The following FAM117B variants were observed in gnomAD, a reference collection of about 807,000 sequenced individuals.
FAM117B encodes family with sequence similarity 117 member B.
FAM117B carries 22 observed loss-of-function variants against 52.8 expected under a neutral mutation model. The observed-to-expected ratio is 0.42, with a 90% CI of 0.30 to 0.59. The LOEUF (loss-of-function observed/expected upper bound fraction) is 0.59, where lower values mean the gene tolerates loss of function less well. Ranked by LOEUF, FAM117B falls within the 20% of genes least tolerant of loss-of-function variation. FAM117B has a pLI of 0.22. For missense variants in FAM117B, 678 were observed against 802.6 expected, an observed-to-expected ratio of 0.84 and a Z score of 1.88; for synonymous variants, 309 against 324.1, an observed-to-expected ratio of 0.95 and a Z score of 0.50.
intron 2 of FAM117B, among the ~76,000 whole-genome samples, chr2:202,714,485 C>G (rs1691007472): frequency 6.7e-6 from 1 of 149,876 alleles, no homozygotes; most frequent in African/African-American, 2.5e-5. Flanking sequence ...TTTGTGTGCT[C>G]CAGTGTTGGG....
In FAM117B at chr2:202,695,941, TGG is replaced by T; in HGVS notation, c.663_664del (p.Asp222TyrfsTer15). 6.2e-7 allele frequency: 1 copy of T among 1,614,076 alleles called. No individual in the cohort carries two copies. Among genetic ancestry groups the T allele is most frequent in the Non-Finnish European group, 8.5e-7 (1 of 1,179,980 alleles). ...AGTATTATCCGACGCACTTCCTCCC[TGG>T]ATACTCTTGCTGCACCGTATCTTGC... On this transcript the variant is annotated frameshift_variant, in exon 2 of 8. Coordinates refer to ENST00000392238, the MANE Select transcript of FAM117B (RefSeq NM_173511.4). LOFTEE classifies it high-confidence loss of function.
intron 2 of FAM117B, among the ~76,000 whole-genome samples, chr2:202,724,615 T>C (rs1691209283): frequency 6.6e-6 from 1 of 152,196 alleles, no homozygotes. Context: ...TAGTTAACTA[T>C]GGTAACTCTA....
At position 202,635,227 on chromosome 2, in the gene FAM117B, G is replaced by A. The variant is rs1408689766; in HGVS notation, c.40G>A (p.Ala14Thr). 6 of 1,307,472 alleles carry A rather than the reference G, an allele frequency of 4.6e-6. No homozygotes were observed. Among genetic ancestry groups the A allele is most frequent in the African/African-American group, 1.5e-5 (1 of 65,012 alleles). 81.0% of individuals were successfully genotyped at this position (1,307,472 alleles called of 1,614,324 possible). ...GAGGCGCAATGGGTCCCCCACGCCGGCCGGCTCCCTTGGGGGTGGTGCGGT... is the reference window on the plus strand; with the variant it reads ...GAGGCGCAATGGGTCCCCCACGCCGACCGGCTCCCTTGGGGGTGGTGCGGT... ...RVRRNGSPTP[A>T]GSLGGGAVAT... The change falls in exon 1 of 8, where the codon GCC becomes ACC. Residue 14 changes from alanine to threonine, a missense_variant. Coordinates refer to ENST00000392238, the MANE Select transcript of FAM117B (RefSeq NM_173511.4).
chr2:202,765,670 C>A lies in FAM117B; in HGVS notation c.1676C>A (p.Thr559Lys), dbSNP rs1197937042. Residue 559 changes from threonine (T) to lysine (K), a missense_variant, in exon 8 of 8, where the codon ACA (threonine) becomes AAA (lysine). Transcript: ENST00000392238. ...PIAVASLSTN[T>K]EQDRVSRGTS... ...GCTGTGGCCTCCCTGTCTACAAACA[C>A]AGAGCAAGACCGAGTCTCTCGAGGA... The A allele has an allele frequency of 2.5e-6, 4 of 1,614,156 alleles. No homozygotes were observed. The Admixed American group carries it at 6.7e-5, about 27-fold the overall frequency.
intron 7 of FAM117B, among the ~76,000 whole-genome samples, chr2:202,759,711 C>T (rs1691855944): frequency 6.6e-6 from 1 of 152,110 alleles, no homozygotes; most frequent in African/African-American, 2.4e-5. Flanking sequence ...GCGCCTACCA[C>T]CACGCCCGGC....
chr2:202,769,254 A>G lies in FAM117B; in HGVS notation c.*3490A>G, dbSNP rs1399428207. ...AAAGTCAGAATTTATAGCTTTCACTATGTCCAAGACTAGGACTGGGTTATA... is the reference window on the plus strand; with the variant it reads ...AAAGTCAGAATTTATAGCTTTCACTGTGTCCAAGACTAGGACTGGGTTATA... On this transcript the variant is annotated 3_prime_UTR_variant, in exon 8 of 8. Coordinates refer to ENST00000392238, the MANE Select transcript of FAM117B (RefSeq NM_173511.4). 1.3e-5 allele frequency: 2 copies of G among 152,630 alleles called. No homozygotes were observed. The highest frequency in any genetic ancestry group is 3.4e-3 in the Middle Eastern group (1 of 294). 9.5% of individuals were successfully genotyped at this position (152,630 alleles called of 1,614,324 possible). A position where few individuals can be genotyped will look rare whatever the true frequency, so the allele number is the denominator to read the frequency against.
At chr2:202,657,097 ATTT>A (rs758126689) in intron 1 of FAM117B, among the ~76,000 whole-genome samples, 1 of 151,488 alleles carries the variant, frequency 6.6e-6, no homozygotes, top group Non-Finnish European at 1.5e-5. Context: ...TATTTTATTT[ATTT>A]TTTTTGAGAT....
At chr2:202,658,637 T>A (rs1199219549) in intron 1 of FAM117B, among the ~76,000 whole-genome samples, 2 of 152,184 alleles carry the variant, frequency 1.3e-5, no homozygotes, top group Non-Finnish European at 2.9e-5. Flanking sequence ...TTTCACTAGA[T>A]GTAGAATCCT....
chr2:202,763,924 C>A (rs1338823472), intron 7 of FAM117B, among the ~76,000 whole-genome samples: 1 of 152,170 alleles, frequency 6.6e-6, no homozygotes, highest in Admixed American at 6.5e-5. Context: ...TTCCTACAGG[C>A]CACAGGTTAT....
intron 1 of FAM117B, among the ~76,000 whole-genome samples, chr2:202,638,122 G>A (rs1689715130): frequency 1.3e-5 from 2 of 152,002 alleles, no homozygotes; most frequent in African/African-American, 4.8e-5. Flanking sequence ...GTGACCTGCC[G>A]ACCTCGGCCT....
At chr2:202,644,249 G>T (rs1056832929) in intron 1 of FAM117B, among the ~76,000 whole-genome samples, 2 of 151,454 alleles carry the variant, frequency 1.3e-5, no homozygotes, top group Admixed American at 6.6e-5. Context: ...GAGCCTTGTT[G>T]GATACTACAG....
At position 202,663,444 on chromosome 2, in the gene FAM117B, TC is replaced by T. The variant is rs1690160255; in HGVS notation, c.601+27657del. On this transcript the variant is annotated intron_variant, in intron 1 of 7. Transcript: ENST00000392238. ...ACTGGTTTTTATTGAAAAGCGTGTA[TC>T]TTTTTATTTAATGGCGAACATTACT... Among the ~76,000 whole-genome samples the T allele has an allele frequency of 3.3e-5, 5 of 152,328 alleles. No homozygotes were observed. In the South Asian group the frequency reaches 1.0e-3, roughly 32 times the overall value.
rs1179070382 is a variant in FAM117B at position 202,766,748 on chromosome 2, T to C, written c.*984T>C. On this transcript the variant is annotated 3_prime_UTR_variant, in exon 8 of 8. Coordinates refer to ENST00000392238, the MANE Select transcript of FAM117B (RefSeq NM_173511.4). ...ACCACAGGTGTCATTCTACCTTTAA[T>C]CATCACTGTATCATAGCCCCAAAGA... 2.0e-5 allele frequency: 3 copies of C among 152,242 alleles called. No individual in the cohort carries two copies. Among genetic ancestry groups the C allele is most frequent in the African/African-American group, 7.2e-5 (3 of 41,454 alleles). 9.4% of individuals were successfully genotyped at this position (152,242 alleles called of 1,614,324 possible).
At chr2:202,743,865 C>T (rs1691588696) in intron 4 of FAM117B, among the ~76,000 whole-genome samples, 1 of 152,170 alleles carries the variant, frequency 6.6e-6, no homozygotes, top group Non-Finnish European at 1.5e-5. Flanking sequence ...GACAAAGCCT[C>T]TGTGACATAT....
At chr2:202,739,808 C>A (rs1691496197) in intron 4 of FAM117B, among the ~76,000 whole-genome samples, 1 of 151,856 alleles carries the variant, frequency 6.6e-6, no homozygotes, top group African/African-American at 2.4e-5. Flanking sequence ...TAATATATAC[C>A]ATTGAGATGA....
rs540330635 is a variant in FAM117B, at chr2:202,635,384, A to G, written c.197A>G (p.Asn66Ser). Residue 66 changes from asparagine (N) to serine (S), a missense_variant, in exon 1 of 8, where the codon AAC becomes AGC. By Grantham distance (46) the Asn-to-Ser change is conservative. This residue lies in a region of FAM117B where 583 missense variants were observed against 644.8 expected (regional missense o/e 0.90). Coordinates refer to ENST00000392238, the MANE Select transcript of FAM117B (RefSeq NM_173511.4). ...RSGGGGGGNN[N>S]GGCCGGASGP... ...GGCGGCGGCGGCGGCGGCAACAACA[A>G]CGGTGGCTGCTGTGGTGGCGCCTCA... The G allele has an allele frequency of 9.4e-4, 1,277 of 1,354,638 alleles. 2 individuals are homozygous for G. The highest frequency in any genetic ancestry group is 1.1e-3 in the Non-Finnish European group (1,210 of 1,056,682). The allele number at this position is 1,354,638 out of a possible 1,614,324, so 83.9% of individuals were successfully genotyped here.
chr2:202,635,053 TC>T lies in FAM117B; in HGVS notation c.-130del, dbSNP rs1689648126. 18 of 1,135,416 alleles carry T rather than the reference TC, an allele frequency of 1.6e-5. No individual in the cohort carries two copies. Among genetic ancestry groups the T allele is most frequent in the African/African-American group, 1.5e-4 (9 of 59,906 alleles). 70.3% of individuals were successfully genotyped at this position (1,135,416 alleles called of 1,614,324 possible). On this transcript the variant is annotated 5_prime_UTR_variant, in exon 1 of 8. Transcript: ENST00000392238. ...CGTTGCTGCCTGCCCCGGCCCGGTC[TC>T]CCCCTGCACCCCGGAGTCCGGCTTC...
chr2:202,738,926 C>T (rs959003635), intron 4 of FAM117B, among the ~76,000 whole-genome samples: 19 of 152,148 alleles, frequency 1.2e-4, no homozygotes, highest in African/African-American at 4.6e-4. Context: ...TGGTGGCTCA[C>T]GCCTGTAATC....
At chr2:202,672,994 A>C (rs993999398) in intron 1 of FAM117B, among the ~76,000 whole-genome samples, 2 of 152,090 alleles carry the variant, frequency 1.3e-5, no homozygotes, top group Non-Finnish European at 2.9e-5. Flanking sequence ...GCTACGGTAA[A>C]CTGCGTTCAC....
Sources: allele counts gnomAD v4.1 joint callset (sites outside exome capture counted in the v4.1 genomes callset), GRCh38; gene constraint gnomAD v4.1.1; regional missense constraint gnomAD v4.1.1; transcripts MANE v1.5; gene names NCBI Gene and HGNC (gene_info 2026-07-23, HGNC 2026-07-21).